Variants in ZFYVE26 observed in about 807,000 individuals in gnomAD.
The protein encoded by ZFYVE26 is zinc finger FYVE-type containing 26.
Under a neutral mutation model 276.5 loss-of-function variants are expected in ZFYVE26, and 181 were observed. The ratio of observed to expected loss-of-function variants is 0.65; its 90% CI spans 0.58 to 0.74. The LOEUF (loss-of-function observed/expected upper bound fraction) is 0.74, where lower values mean the gene tolerates loss of function less well. Among genes scored for constraint, ZFYVE26 ranks in the 30% least tolerant of loss-of-function variants. The pLI, the probability that ZFYVE26 is intolerant of heterozygous loss-of-function variation, is 0.00. For synonymous variants in ZFYVE26, 1,129 were observed against 1,203.1 expected, an observed-to-expected ratio of 0.94 and a Z score of 1.27; for missense variants, 2,821 against 3,097.9, an observed-to-expected ratio of 0.91 and a Z score of 2.12.
chr14:67,783,646 T>TC, intron 20 of ZFYVE26, 121 bp from the exon 21 acceptor site: 1 of 1,326,354 alleles, frequency 7.5e-7, no homozygotes, highest in Non-Finnish European at 1.0e-6. Context: ...TGTCACACTC[T>TC]TTTTTTAAAA....
At chr14:67,740,948 T>A (rs1305245802) in intron 13 of ZFYVE26, among the ~76,000 whole-genome samples, 2 of 151,848 alleles carry the variant, frequency 1.3e-5, no homozygotes, top group Non-Finnish European at 2.9e-5. Context: ...ATATTGCAAA[T>A]TTTTAAAGAC....
chr14:67,751,025 C>T lies in ZFYVE26; in HGVS notation c.7416+27G>A, dbSNP rs779713400. ...CCTGAGACACAATTCATTGGCATCA[C>T]CAGCGTTTGGAGACAATTCCGCTCA... On this transcript the variant is annotated intron_variant, in intron 41 of 41. Coordinates refer to ENST00000347230, the MANE Select transcript of ZFYVE26 (RefSeq NM_015346.4). The T allele has an allele frequency of 4.3e-6, 7 of 1,614,100 alleles. No homozygotes were observed. The South Asian group carries it at 5.5e-5, about 13-fold the overall frequency.
At chr14:67,799,409 G>C (rs1357929679) in intron 10 of ZFYVE26, 1 of 1,613,042 alleles carries the variant, frequency 6.2e-7, no homozygotes, top group Non-Finnish European at 8.5e-7. Context: ...GAGGGCTCAG[G>C]AAGAGGCCAA....
intron 25 of ZFYVE26, among the ~76,000 whole-genome samples, 166 bp downstream of exon 25, chr14:67,777,393 A>C (rs762070313): frequency 6.6e-6 from 1 of 152,228 alleles, no homozygotes; most frequent in Non-Finnish European, 1.5e-5. Flanking sequence ...TTCATATAGC[A>C]CAGGCCAGGG....
At chr14:67,766,583 C>A in intron 31 of ZFYVE26, 136 bp from the exon 32 acceptor site, 1 of 794,192 alleles carries the variant, frequency 1.3e-6, no homozygotes, top group Non-Finnish European at 2.1e-6. Context: ...CCAGATTCTA[C>A]AAGAAAGCAG....
At chr14:67,773,573 C>T (rs1238077249) in intron 27 of ZFYVE26, among the ~76,000 whole-genome samples, 1 of 85,184 alleles carries the variant, frequency 1.2e-5, no homozygotes, top group African/African-American at 3.6e-5. Context: ...ACACACACAC[C>T]CCAAAGCTGC....
rs1045394865 is a variant in ZFYVE26 at position 67,770,748 on chromosome 14, T to C, written c.5485-1018A>G. ...GTCAATAAAGGCCAACTGTTGTCAT[T>C]ATTAGAATTTAAAGATTAGAAACTC... is the stretch of plus-strand genomic sequence containing the variant. On this transcript the variant is annotated intron_variant, in intron 28 of 41. Coordinates refer to ENST00000347230, the MANE Select transcript of ZFYVE26 (RefSeq NM_015346.4). Among the ~76,000 whole-genome samples, 3 of 152,170 alleles carry C rather than the reference T, an allele frequency of 2.0e-5. No individual in the cohort carries two copies. In the East Asian group the frequency reaches 5.8e-4, roughly 29 times the overall value.
chr14:67,790,461 T>C, intron 15 of ZFYVE26, 111 bp downstream of exon 15: 2 of 1,167,306 alleles, frequency 1.7e-6, no homozygotes. Context: ...AGGTGTCCTG[T>C]ATTTAATTTC....
At chr14:67,743,627 G>A (rs2038445984), downstream of ZFYVE26, among the ~76,000 whole-genome samples, 7 of 152,154 alleles carry the variant, frequency 4.6e-5, no homozygotes, top group South Asian at 1.4e-3. Flanking sequence ...ATTCCATTTT[G>A]GACATGCTAA....
At chr14:67,789,071 C>T (rs1358404195) in intron 16 of ZFYVE26, among the ~76,000 whole-genome samples, 2 of 152,140 alleles carry the variant, frequency 1.3e-5, no homozygotes, top group Non-Finnish European at 2.9e-5. Flanking sequence ...TCTTAAGGCT[C>T]GAATTCCATT....
At chr14:67,797,960 G>A in intron 11 of ZFYVE26, 54 bp downstream of exon 11, 1 of 1,612,328 alleles carries the variant, frequency 6.2e-7, no homozygotes, top group South Asian at 1.1e-5. Context: ...CCATATTCCT[G>A]GGATCTTTCT....
chr14:67,765,849 A>G (rs1352130658), intron 32 of ZFYVE26, among the ~76,000 whole-genome samples: 1 of 152,232 alleles, frequency 6.6e-6, no homozygotes, highest in African/African-American at 2.4e-5. Context: ...GTTCAAGGCT[A>G]ATCACTGGAC....
Position 67,805,559 on chromosome 14 carries a change from A to G in ZFYVE26, c.1077T>C (p.Asp359=), listed in dbSNP as rs1566896738. Residue 359 remains aspartate, a synonymous_variant, in exon 7 of 42, where the codon GAT becomes GAC. Transcript: ENST00000347230. ...EDFPNLGCLL[D]REFRPLSCLL... is the part of the protein sequence containing the mutation. ...GGCAACTGAGGGGCCTGAATTCTCT[A>G]TCAAGTAGGCAGCCAAGATTTGGGA... is the stretch of plus-strand genomic sequence containing the variant. 2 of 1,614,224 alleles carry G rather than the reference A, an allele frequency of 1.2e-6. No individual in the cohort carries two copies. The highest frequency in any genetic ancestry group is 1.7e-6 in the Non-Finnish European group (2 of 1,180,038).
At chr14:67,757,992 G>GGC in intron 35 of ZFYVE26, among the ~76,000 whole-genome samples, 1 of 152,206 alleles carries the variant, frequency 6.6e-6, no homozygotes, top group Non-Finnish European at 1.5e-5. Context: ...TGGGATTACA[G>GGC]AAACGAGCCA....
At chr14:67,791,370 T>C (rs2039809480) in intron 14 of ZFYVE26, among the ~76,000 whole-genome samples, 1 of 152,180 alleles carries the variant, frequency 6.6e-6, no homozygotes, top group Non-Finnish European at 1.5e-5. Context: ...ATGCAGCTAC[T>C]TGATCAGACT....
At chr14:67,733,415 C>A (rs1278850827) in intron 13 of ZFYVE26, among the ~76,000 whole-genome samples, 2 of 152,138 alleles carry the variant, frequency 1.3e-5, no homozygotes, top group Non-Finnish European at 2.9e-5. Flanking sequence ...GACTTTGTCA[C>A]CAATAGAATT....
Position 67,782,814 on chromosome 14 carries a change from T to C in ZFYVE26, c.4338A>G (p.Ile1446Met). ...YGRDVDDLSS[I>M]KDAVLSCAVA... is the part of the protein sequence containing the mutation. ...CAGCACAGCTCAGGACTGCATCCTTTATGCTGCTCAAATCGTCCACATCTC... is the reference window on the plus strand; with the variant it reads ...CAGCACAGCTCAGGACTGCATCCTTCATGCTGCTCAAATCGTCCACATCTC... Residue 1446 changes from isoleucine (I) to methionine (M), a missense_variant, in exon 21 of 42, where the codon ATA becomes ATG. Transcript: ENST00000347230. 1 of 1,614,242 alleles carries C rather than the reference T, an allele frequency of 6.2e-7. No homozygotes were observed. Among genetic ancestry groups the C allele is most frequent in the East Asian group, 2.2e-5 (1 of 44,884 alleles).
chr14:67,752,714 AG>A (rs2038681855), intron 39 of ZFYVE26, among the ~76,000 whole-genome samples, 188 bp from the exon 40 acceptor site: 1 of 152,264 alleles, frequency 6.6e-6, no homozygotes, highest in Non-Finnish European at 1.5e-5. Context: ...GTAGACCTTT[AG>A]GAAGCATCCA....
chr14:67,796,326 C>G (rs962049263), intron 12 of ZFYVE26: 1 of 151,168 alleles, frequency 6.6e-6, no homozygotes, highest in African/African-American at 2.4e-5. Context: ...AAGTGATTCT[C>G]GTGCCTCAGG....
Sources: allele counts gnomAD v4.1 joint callset (sites outside exome capture counted in the v4.1 genomes callset), GRCh38; gene constraint gnomAD v4.1.1; transcripts MANE v1.5; gene names NCBI Gene and HGNC (gene_info 2026-07-23, HGNC 2026-07-21).